Variants in PPP1R3C observed in about 807,000 individuals in gnomAD.
PPP1R3C encodes the protein protein phosphatase 1 regulatory subunit 3C, also known as PP1 subunit R5.
In PPP1R3C, 20 loss-of-function variants were observed where a neutral mutation model predicts 29.3. The observed-to-expected ratio is 0.68, with a 90% CI of 0.48 to 0.99. The LOEUF (loss-of-function observed/expected upper bound fraction) is 0.99, where lower values mean the gene tolerates loss of function less well. Among genes scored for constraint, PPP1R3C ranks in the 50% least tolerant of loss-of-function variants. The pLI is 0.00. For missense variants in PPP1R3C, 321 were observed against 386.0 expected (o/e 0.83, Z 1.41); for synonymous variants, 123 against 143.1 (o/e 0.86, Z 1.00).
intron 1 of PPP1R3C, among the ~76,000 whole-genome samples, 165 bp downstream of exon 1, chr10:91,632,791 C>T (rs1848730644): frequency 6.6e-6 from 1 of 152,174 alleles, no homozygotes; most frequent in Non-Finnish European, 1.5e-5. Context: ...CAAATTTCTA[C>T]ACCTCCAAGG....
At chr10:91,632,841 T>C in intron 1 of PPP1R3C, 115 bp downstream of exon 1, 1 of 1,459,282 alleles carries the variant, frequency 6.9e-7, no homozygotes, top group Non-Finnish European at 9.4e-7. Flanking sequence ...TCAGTCCACT[T>C]GTCCTCCCCC....
At chr10:91,631,666 A>C (rs1483709492) in intron 1 of PPP1R3C, among the ~76,000 whole-genome samples, 1 of 152,244 alleles carries the variant, frequency 6.6e-6, no homozygotes, top group Non-Finnish European at 1.5e-5. Flanking sequence ...ATTCATATGC[A>C]CTTAAAAACT....
intron 1 of PPP1R3C, among the ~76,000 whole-genome samples, chr10:91,631,398 G>A (rs556517344): frequency 2.0e-5 from 3 of 152,200 alleles, no homozygotes; most frequent in South Asian, 2.1e-4. Context: ...TGTTCTTAAA[G>A]CTTCCCAGGT....
At position 91,630,052 on chromosome 10, in the gene PPP1R3C, A is replaced by G. The variant is rs1465035827; in HGVS notation, c.829T>C (p.Phe277Leu). ...TCTGTCTTAGGAGACGTCTGGTGGA[A>G]TGCACAGTCCTGGGGTGCCATCTGT... The part of the protein sequence containing the change: ...QTQMAPQDCA[F>L]HQTSPKTELE... The change falls in exon 2 of 2, where the codon TTC becomes CTC. Residue 277 changes from phenylalanine (F) to leucine (L), a missense_variant. Coordinates refer to ENST00000238994, the MANE Select transcript of PPP1R3C (RefSeq NM_005398.7). The surrounding 1 kb of genome is among the most constrained non-coding windows in gnomAD (Gnocchi z 4.4). The G allele has an allele frequency of 1.2e-6, 2 of 1,614,122 alleles. No individual in the cohort carries two copies. Among genetic ancestry groups the G allele is most frequent in the Non-Finnish European group, 1.7e-6 (2 of 1,180,060 alleles).
Position 91,630,752 on chromosome 10 carries a change from G to T in PPP1R3C, c.129C>A (p.Tyr43Ter). 1 of 1,614,106 alleles carries T rather than the reference G, an allele frequency of 6.2e-7. No individual in the cohort carries two copies. The highest frequency in any genetic ancestry group is 8.5e-7 in the Non-Finnish European group (1 of 1,179,996). ...SPPVKSFLGP[Y>*]DEFQRRHFVN... ...CAAAATGTCGTCGTTGAAATTCATC[G>T]TACGGGCCCAGGAAACTCTTCACAG... Residue 43 changes from tyrosine (Y) to a stop codon, truncating the protein, a stop_gained, in exon 2 of 2, where the codon TAC (tyrosine) becomes TAA (stop). Transcript: ENST00000238994. LOFTEE classifies it high-confidence loss of function. The surrounding 1 kb of genome is among the most constrained non-coding windows in gnomAD (Gnocchi z 4.4).
intron 1 of PPP1R3C, 24 bp downstream of exon 1, chr10:91,632,932 C>A (rs1437847450): frequency 3.1e-6 from 5 of 1,610,352 alleles, no homozygotes; most frequent in Non-Finnish European, 4.2e-6. Flanking sequence ...GTGTTCCTAG[C>A]GCGCAGAGTT....
Position 91,629,824 on chromosome 10 carries a change from A to G in PPP1R3C, c.*103T>C. 8.0e-7 allele frequency: 1 copy of G among 1,257,738 alleles called. No homozygotes were observed. The allele number at this position is 1,257,738 out of a possible 1,614,324, so 77.9% of individuals were successfully genotyped here. ...CCAGGTCTCAAAAGCTCAAATCTAAACCTACTGATGGAGTAGCAAAGGCTT... is the reference window on the plus strand; with the variant it reads ...CCAGGTCTCAAAAGCTCAAATCTAAGCCTACTGATGGAGTAGCAAAGGCTT... On this transcript the variant is annotated 3_prime_UTR_variant, in exon 2 of 2. Coordinates refer to ENST00000238994, the MANE Select transcript of PPP1R3C (RefSeq NM_005398.7).
At position 91,629,149 on chromosome 10, in the gene PPP1R3C, T is replaced by C. The variant is rs1300960042; in HGVS notation, c.*778A>G. The C allele has an allele frequency of 6.6e-6, 1 of 152,268 alleles. No individual in the cohort carries two copies. Among genetic ancestry groups the C allele is most frequent in the Non-Finnish European group, 1.5e-5 (1 of 68,066 alleles). The allele number at this position is 152,268 out of a possible 1,614,324, so 9.4% of individuals were successfully genotyped here. On this transcript the variant is annotated 3_prime_UTR_variant, in exon 2 of 2. Transcript: ENST00000238994. The stretch of plus-strand genomic sequence containing the variant: ...GTCCCTACGTGTTGTTAGCCATTAA[T>C]GATGGCATGGTTTTTCTATACCAAG...
rs1848708863 is a variant in PPP1R3C, at chr10:91,630,675, T to G, written c.206A>C (p.Lys69Thr). The change falls in exon 2 of 2, where the codon AAA becomes ACA. Residue 69 changes from lysine to threonine, a missense_variant. Coordinates refer to ENST00000238994, the MANE Select transcript of PPP1R3C (RefSeq NM_005398.7). This position sits in a 1 kb window ranked among gnomAD's most constrained non-coding sequence, Gnocchi z 4.4. ...KSCLNIKHKA[K>T]SQNDWKCSHN... is the part of the protein sequence containing the mutation. ...TGAGCACTTCCAGTCATTCTGTGAT[T>G]TGGCTTTGTGTTTTATATTGAGACA... The G allele has an allele frequency of 6.2e-7, 1 of 1,612,874 alleles. No homozygotes were observed. The highest frequency in any genetic ancestry group is 1.3e-5 in the African/African-American group (1 of 74,886).
In PPP1R3C at chr10:91,630,462, T is replaced by A; in HGVS notation, c.419A>T (p.Gln140Leu). The A allele has an allele frequency of 6.2e-7, 1 of 1,614,226 alleles. No individual in the cohort carries two copies. Among genetic ancestry groups the A allele is most frequent in the Middle Eastern group, 1.6e-4 (1 of 6,062 alleles). The change falls in exon 2 of 2, where the codon CAG (glutamine) becomes CTG (leucine). Residue 140 changes from glutamine (Q) to leucine (L), a missense_variant. Gln to Leu is a moderately radical substitution (Grantham distance 113). Transcript: ENST00000238994. This position sits in a 1 kb window ranked among gnomAD's most constrained non-coding sequence, Gnocchi z 4.4. ...EEKNLILDFP[Q>L]PSTDYLSFRS... ...GAAACTTAAGTAATCGGTTGAAGGC[T>A]GAGGGAAATCTAAAATCAAGTTTTT...
In PPP1R3C at chr10:91,630,778, G is replaced by T; in HGVS notation, c.103C>A (p.Pro35Thr). The change falls in exon 2 of 2, where the codon CCT becomes ACT. Residue 35 changes from proline (P) to threonine (T), a missense_variant. Transcript: ENST00000238994. This position sits in a 1 kb window ranked among gnomAD's most constrained non-coding sequence, Gnocchi z 4.4. ...TACGGGCCCAGGAAACTCTTCACAG[G>T]TGGTGAATGTGCCAAGCAAAGCCTC... ...AMRLCLAHSP[P>T]VKSFLGPYDE... 6.2e-7 allele frequency: 1 copy of T among 1,614,166 alleles called. No individual in the cohort carries two copies. The highest frequency in any genetic ancestry group is 8.5e-7 in the Non-Finnish European group (1 of 1,180,030).
rs760600130 is a variant in PPP1R3C at position 91,630,633 on chromosome 10, T to C, written c.248A>G (p.Lys83Arg). Reference protein sequence around the residue: ...DWKCSHNQAKKRVVFADSKGL... With the variant: ...DWKCSHNQAKRRVVFADSKGL... ...CTTGGAGTCAGCAAACACAACGCGC[T>C]TCTTGGCTTGGTTGTGTGAGCACTT... Residue 83 changes from lysine to arginine, a missense_variant, in exon 2 of 2, where the codon AAG (lysine) becomes AGG (arginine). By Grantham distance (26) the Lys-to-Arg change is conservative. Transcript: ENST00000238994. This position sits in a 1 kb window ranked among gnomAD's most constrained non-coding sequence, Gnocchi z 4.4. 1.6e-5 allele frequency: 25 copies of C among 1,611,154 alleles called. No individual in the cohort carries two copies. Among genetic ancestry groups the C allele is most frequent in the Non-Finnish European group, 2.0e-5 (23 of 1,177,694 alleles).
At position 91,629,790 on chromosome 10, in the gene PPP1R3C, T is replaced by A; in HGVS notation, c.*137A>T. The A allele has an allele frequency of 1.1e-6, 1 of 938,996 alleles. No homozygotes were observed. Among genetic ancestry groups the A allele is most frequent in the Non-Finnish European group, 1.6e-6 (1 of 607,276 alleles). The allele number at this position is 938,996 out of a possible 1,614,324, so 58.2% of individuals were successfully genotyped here. A position where few individuals can be genotyped will look rare whatever the true frequency, so the allele number is the denominator to read the frequency against. ...ACACTAAATTCTCAAGTGTCTTTCT[T>A]TTCCATAGCCAGGTCTCAAAAGCTC... On this transcript the variant is annotated 3_prime_UTR_variant, in exon 2 of 2. Transcript: ENST00000238994.
rs191697089 is a variant in PPP1R3C, at chr10:91,629,489, C to T, written c.*438G>A. On this transcript the variant is annotated 3_prime_UTR_variant, in exon 2 of 2. Coordinates refer to ENST00000238994, the MANE Select transcript of PPP1R3C (RefSeq NM_005398.7). ...AACTTAAAAACACAAAATAACCTTA[C>T]GTTTTTCCACCAACAATGATCAGAC... 692 of 167,530 alleles carry T rather than the reference C, an allele frequency of 4.1e-3. 7 individuals carry two copies. Among genetic ancestry groups the T allele is most frequent in the African/African-American group, 0.015 (643 of 41,846 alleles). The allele number at this position is 167,530 out of a possible 1,614,324, so 10.4% of individuals were successfully genotyped here.
In PPP1R3C at chr10:91,630,868, T is replaced by C; in HGVS notation, c.15-2A>G. The C allele has an allele frequency of 6.2e-7, 1 of 1,608,174 alleles. No individual in the cohort carries two copies. Among genetic ancestry groups the C allele is most frequent in the Non-Finnish European group, 8.5e-7 (1 of 1,178,862 alleles). On this transcript the variant is annotated splice_acceptor_variant, in intron 1 of 1. Transcript: ENST00000238994. LOFTEE classifies it high-confidence loss of function. The surrounding 1 kb of genome is among the most constrained non-coding windows in gnomAD (Gnocchi z 4.4). ...CGTGGATCTAAAACCTGGATCATTC[T>C]GGAATGCAAAAAGAAGAGGGATTAT...
chr10:91,628,978 G>A lies in PPP1R3C; in HGVS notation c.*949C>T, dbSNP rs1026894477. The A allele has an allele frequency of 6.6e-6, 1 of 152,290 alleles. No individual in the cohort carries two copies. The highest frequency in any genetic ancestry group is 2.4e-5 in the African/African-American group (1 of 41,446). 9.4% of individuals were successfully genotyped at this position (152,290 alleles called of 1,614,324 possible). A position where few individuals can be genotyped will look rare whatever the true frequency, so the allele number is the denominator to read the frequency against. On this transcript the variant is annotated 3_prime_UTR_variant, in exon 2 of 2. Coordinates refer to ENST00000238994, the MANE Select transcript of PPP1R3C (RefSeq NM_005398.7). ...TCAAAGATACAACATTATTGCAGGA[G>A]GAATGCCTGTGTACAGAGTGGACCA...
Position 91,632,971 on chromosome 10 carries a change from A to T in PPP1R3C, c.-2T>A. On this transcript the variant is annotated 5_prime_UTR_variant, in exon 1 of 2. Coordinates refer to ENST00000238994, the MANE Select transcript of PPP1R3C (RefSeq NM_005398.7). Reference sequence around the variant, plus strand: ...GCGAACCTACCTGGTGCAGCTCATTAGGCAGAGAGGCGGCGGACCCTAAAA... The same window carrying T: ...GCGAACCTACCTGGTGCAGCTCATTTGGCAGAGAGGCGGCGGACCCTAAAA... 1 of 1,612,626 alleles carries T rather than the reference A, an allele frequency of 6.2e-7. No individual in the cohort carries two copies. Among genetic ancestry groups the T allele is most frequent in the Non-Finnish European group, 8.5e-7 (1 of 1,179,470 alleles).
intron 1 of PPP1R3C, among the ~76,000 whole-genome samples, chr10:91,632,683 C>T (rs1417265016): frequency 6.6e-6 from 1 of 152,206 alleles, no homozygotes; most frequent in Non-Finnish European, 1.5e-5. Flanking sequence ...AGAACAGCCG[C>T]ATCCATGAGA....
At chr10:91,631,289 T>C (rs1271687252) in intron 1 of PPP1R3C, among the ~76,000 whole-genome samples, 2 of 152,156 alleles carry the variant, frequency 1.3e-5, no homozygotes, top group Non-Finnish European at 2.9e-5. Context: ...CCTTCCTTTC[T>C]TCCTCTCTCT....
Sources: gnomAD v4.1 joint callset for allele counts (sites outside exome capture counted in the v4.1 genomes callset) on GRCh38, gnomAD v4.1.1 for gene constraint, Gnocchi (gnomAD v3.1) non-coding constraint, MANE v1.5 for transcripts, NCBI Gene and HGNC (gene_info 2026-07-23, HGNC 2026-07-21) for gene names.